Variants in DLGAP2 observed in about 807,000 individuals in gnomAD.
The protein encoded by DLGAP2 is disks large-associated protein 2.
In DLGAP2, 26 loss-of-function variants were observed where a neutral mutation model predicts 100.3. That is an observed-to-expected ratio of 0.26 (90% CI 0.19 to 0.36). The LOEUF (loss-of-function observed/expected upper bound fraction) is 0.36. DLGAP2 is among the 10% of genes least tolerant of loss of function. The pLI is 1.00. For missense variants in DLGAP2, 1,858 were observed against 1,453.2 expected (o/e 1.28, Z -4.53); for synonymous variants, 886 against 630.1 (o/e 1.41, Z -6.08).
At chr8:861,851 A>C (rs772370565) in intron 1 of DLGAP2, among the ~76,000 whole-genome samples, 3 of 152,212 alleles carry the variant, frequency 2.0e-5, no homozygotes, top group Non-Finnish European at 4.4e-5. Flanking sequence ...CCAAGGCTTT[A>C]TTCTTTGTTG....
chr8:1,457,771 T>C (rs1217849556), intron 3 of DLGAP2, among the ~76,000 whole-genome samples: 2 of 151,886 alleles, frequency 1.3e-5, no homozygotes, highest in Admixed American at 1.3e-4. Context: ...CCCCAGAAGG[T>C]TGCCCTTCCT....
At chr8:1,451,708 C>G (rs1206376455) in intron 3 of DLGAP2, among the ~76,000 whole-genome samples, 1 of 152,188 alleles carries the variant, frequency 6.6e-6, no homozygotes, top group African/African-American at 2.4e-5. Flanking sequence ...CAGCCTCATG[C>G]TGCCTCCGCC....
chr8:1,148,522 T>C (rs1241269772), intron 2 of DLGAP2, among the ~76,000 whole-genome samples: 2 of 151,838 alleles, frequency 1.3e-5, no homozygotes, highest in African/African-American at 4.8e-5. Context: ...TTTCTTGTGA[T>C]TGATGTTTAG....
At chr8:1,127,273 G>T (rs918689357) in intron 2 of DLGAP2, among the ~76,000 whole-genome samples, 1 of 151,778 alleles carries the variant, frequency 6.6e-6, no homozygotes, top group South Asian at 2.1e-4. Flanking sequence ...GCTCATTGGG[G>T]TGACTCCAGG....
At chr8:744,644 T>C (rs376080907) in intron 1 of DLGAP2, among the ~76,000 whole-genome samples, 85 of 102,348 alleles carry the variant, frequency 8.3e-4, no homozygotes, top group East Asian at 1.8e-3. Context: ...GGGTGCTGGC[T>C]GTCTGCTCCC....
chr8:1,316,478 C>G (rs1272377383), intron 3 of DLGAP2, among the ~76,000 whole-genome samples: 78 of 108,788 alleles, frequency 7.2e-4, no homozygotes, highest in Admixed American at 9.7e-4. Flanking sequence ...AAAAATAGAG[C>G]GTGTGCGAGT....
chr8:1,213,754 G>T (rs1388195884), intron 2 of DLGAP2, among the ~76,000 whole-genome samples: 1 of 152,286 alleles, frequency 6.6e-6, no homozygotes, highest in East Asian at 1.9e-4. Context: ...TCCATGAAGT[G>T]CTTTCTGGAC....
intron 2 of DLGAP2, among the ~76,000 whole-genome samples, chr8:1,011,090 A>T (rs1801267671): frequency 6.7e-6 from 1 of 150,224 alleles, no homozygotes; most frequent in African/African-American, 2.5e-5. Context: ...GAGCCCTGGA[A>T]TGAGGTACCT....
At chr8:1,135,957 C>T (rs1796401578) in intron 2 of DLGAP2, among the ~76,000 whole-genome samples, 1 of 152,226 alleles carries the variant, frequency 6.6e-6, no homozygotes, top group Non-Finnish European at 1.5e-5. Flanking sequence ...CAGTTTACCT[C>T]TTGGCCACAG....
At chr8:789,344 G>A (rs1563434113) in intron 1 of DLGAP2, among the ~76,000 whole-genome samples, 1 of 152,170 alleles carries the variant, frequency 6.6e-6, no homozygotes, top group African/African-American at 2.4e-5. Context: ...CCGCATGGCC[G>A]GAGCAGGAGG....
chr8:796,322 C>T (rs1176685285), intron 1 of DLGAP2, among the ~76,000 whole-genome samples: 1 of 152,164 alleles, frequency 6.6e-6, no homozygotes, highest in Non-Finnish European at 1.5e-5. Context: ...GTCATCTGGC[C>T]ACTCGCTCCT....
chr8:1,293,529 T>G (rs1446567430), intron 3 of DLGAP2, among the ~76,000 whole-genome samples: 1 of 152,228 alleles, frequency 6.6e-6, no homozygotes, highest in Non-Finnish European at 1.5e-5. Context: ...TTATCTTCCT[T>G]TGGGCCTGGA....
chr8:1,099,124 A>G (rs2129043319), intron 2 of DLGAP2, among the ~76,000 whole-genome samples: 1 of 152,250 alleles, frequency 6.6e-6, no homozygotes, highest in East Asian at 1.9e-4. Context: ...CCCAGTTCTC[A>G]GCCTCGCCGG....
chr8:1,562,084 C>T (rs1487871579), intron 5 of DLGAP2, among the ~76,000 whole-genome samples: 1 of 29,964 alleles, frequency 3.3e-5, no homozygotes. Flanking sequence ...GGGGTGTCCG[C>T]GCCTCGTTAC....
intron 1 of DLGAP2, among the ~76,000 whole-genome samples, chr8:855,314 A>C (rs1321338841): frequency 6.7e-6 from 1 of 149,196 alleles, no homozygotes; most frequent in Non-Finnish European, 1.5e-5. Context: ...CTATTAATTC[A>C]TGTGCTCCCA....
chr8:800,690 ATG>A (rs1563038079), intron 1 of DLGAP2, among the ~76,000 whole-genome samples: 5 of 151,906 alleles, frequency 3.3e-5, no homozygotes, highest in African/African-American at 4.8e-5. Context: ...GTGTATGTGC[ATG>A]TGTGCATGTG....
intron 3 of DLGAP2, among the ~76,000 whole-genome samples, chr8:1,500,868 T>C (rs2130320528): frequency 6.6e-6 from 1 of 152,360 alleles, no homozygotes; most frequent in Middle Eastern, 3.4e-3. Context: ...GAACTAATAT[T>C]AAGCACTAAG....
intron 2 of DLGAP2, among the ~76,000 whole-genome samples, chr8:1,191,915 C>T (rs1797648511): frequency 2.0e-5 from 3 of 152,220 alleles, no homozygotes; most frequent in Non-Finnish European, 2.9e-5. Context: ...ATGAAGCTCA[C>T]TGATCCCTCA....
chr8:1,004,904 A>G (rs1214138645), intron 2 of DLGAP2, among the ~76,000 whole-genome samples: 1 of 152,202 alleles, frequency 6.6e-6, no homozygotes, highest in Non-Finnish European at 1.5e-5. Context: ...GAACTCAGGC[A>G]GGAGGGGGCT....
Sources: gnomAD v4.1 joint callset for allele counts (sites outside exome capture counted in the v4.1 genomes callset) on GRCh38, gnomAD v4.1.1 for gene constraint, MANE v1.5 for transcripts, NCBI Gene and HGNC (gene_info 2026-07-23, HGNC 2026-07-21) for gene names.